DDX19B: variants seen among roughly 807,000 people sequenced by gnomAD.
The protein encoded by DDX19B is DEAD-box helicase 19B.
Under a neutral mutation model 58.1 loss-of-function variants are expected in DDX19B, and 27 were observed. The observed-to-expected ratio is 0.46, with a 90% CI of 0.34 to 0.64. The LOEUF (loss-of-function observed/expected upper bound fraction) is 0.64. Ranked by LOEUF, DDX19B falls within the 30% of genes least tolerant of loss-of-function variation. DDX19B has a pLI of 0.01. For synonymous variants in DDX19B, 187 were observed against 214.4 expected (o/e 0.87, Z 1.12); for missense variants, 399 against 596.5 (o/e 0.67, Z 3.45).
At chr16:70,327,538 AAAAC>A (rs1963234889) in intron 7 of DDX19B, among the ~76,000 whole-genome samples, 1 of 149,188 alleles carries the variant, frequency 6.7e-6, no homozygotes. Flanking sequence ...GTCTCAAAAC[AAAAC>A]AAACAAAAAA....
At chr16:70,321,650 G>A (rs999090163) in intron 5 of DDX19B, among the ~76,000 whole-genome samples, 5 of 152,184 alleles carry the variant, frequency 3.3e-5, no homozygotes, top group Non-Finnish European at 1.5e-5. Flanking sequence ...TATAACAGGT[G>A]ATAAATTACA....
At chr16:70,322,220 A>G (rs1209509919) in intron 5 of DDX19B, among the ~76,000 whole-genome samples, 1 of 151,988 alleles carries the variant, frequency 6.6e-6, no homozygotes, top group Non-Finnish European at 1.5e-5. Flanking sequence ...AATATACAAC[A>G]CTTTATTCTA....
At chr16:70,317,474 TC>T in intron 4 of DDX19B, 21 bp from the exon 5 acceptor site, 1 of 1,591,416 alleles carries the variant, frequency 6.3e-7, no homozygotes, top group Non-Finnish European at 8.6e-7. Flanking sequence ...ACTGTGACTT[TC>T]ATCTTTAACT....
upstream of DDX19B, among the ~76,000 whole-genome samples, chr16:70,298,126 G>A (rs1961298575): frequency 6.6e-6 from 1 of 152,166 alleles, no homozygotes; most frequent in Admixed American, 6.5e-5. Context: ...AAAAACAAAA[G>A]GCCGGGTGCA....
At chr16:70,321,966 C>T (rs1412362415) in intron 5 of DDX19B, among the ~76,000 whole-genome samples, 2 of 150,916 alleles carry the variant, frequency 1.3e-5, no homozygotes, top group Non-Finnish European at 2.9e-5. Context: ...ACCTGGGAGA[C>T]GGAGGTTGCA....
upstream of DDX19B, among the ~76,000 whole-genome samples, chr16:70,291,703 CTG>C (rs1275259957): frequency 5.3e-5 from 8 of 152,166 alleles, no homozygotes; most frequent in East Asian, 1.9e-4. Flanking sequence ...CCCAGCTACT[CTG>C]GAGGCTGAGG....
At chr16:70,294,864 C>T, upstream of DDX19B, 1 of 1,523,802 alleles carries the variant, frequency 6.6e-7, no homozygotes, top group Middle Eastern at 1.7e-4. Context: ...GGCTGCCGGG[C>T]GCGTCCAAGA....
intron 4 of DDX19B, among the ~76,000 whole-genome samples, chr16:70,316,859 T>G (rs1160082561): frequency 6.6e-6 from 1 of 151,920 alleles, no homozygotes; most frequent in Non-Finnish European, 1.5e-5. Context: ...CCACTTGAGG[T>G]CAGGAGTTCA....
chr16:70,300,778 C>G (rs773226859), intron 1 of DDX19B, among the ~76,000 whole-genome samples: 36 of 152,246 alleles, frequency 2.4e-4, no homozygotes, highest in Non-Finnish European at 4.4e-4. Context: ...CATCCTCCCA[C>G]CTCGGCCTCC....
intron 7 of DDX19B, among the ~76,000 whole-genome samples, chr16:70,329,035 T>G: frequency 2.1e-5 from 3 of 142,534 alleles, no homozygotes; most frequent in East Asian, 2.1e-4. Context: ...GCCAAGAGAG[T>G]GAAACCCACC....
chr16:70,306,887 CT>C (rs1485156425), intron 1 of DDX19B, among the ~76,000 whole-genome samples: 1 of 152,204 alleles, frequency 6.6e-6, no homozygotes, highest in Non-Finnish European at 1.5e-5. Context: ...TCCCTACAAA[CT>C]CCCCAGCTCT....
In DDX19B at chr16:70,333,558, C is replaced by G. The variant is rs74026003; in HGVS notation, c.1416C>G (p.Asp472Glu). 1.2e-6 allele frequency: 2 copies of G among 1,613,812 alleles called. No individual in the cohort carries two copies. The highest frequency in any genetic ancestry group is 2.7e-5 in the African/African-American group (2 of 74,900). The change falls in exon 12 of 12, where the codon GAC becomes GAG. Residue 472 changes from aspartate (D) to glutamate (E), a missense_variant. Asp to Glu is a conservative substitution (Grantham distance 45). This residue lies in a region of DDX19B where 198 missense variants were observed against 345.9 expected (regional missense o/e 0.57). Coordinates refer to ENST00000288071, the MANE Select transcript of DDX19B (RefSeq NM_007242.7). ...KIERLDTDDL[D>E]EIEKIAN ...AAAGATTGGACACAGATGATTTGGA[C>G]GAGATTGAGAAAATAGCCAACTGAG...
At position 70,329,975 on chromosome 16, in the gene DDX19B, C is replaced by G; in HGVS notation, c.930C>G (p.Tyr310Ter). The change falls in exon 9 of 12, where the codon TAC becomes TAG. Residue 310 changes from tyrosine (Y) to a stop codon, truncating the protein, a stop_gained. Coordinates refer to ENST00000288071, the MANE Select transcript of DDX19B (RefSeq NM_007242.7). LOFTEE classifies it high-confidence loss of function. ...EEETLDTIKQYYVLCSSRDEK... is the reference protein window; with the variant it reads ...EEETLDTIKQ ...AGACCCTGGACACCATCAAGCAGTACTATGTCCTGTGCAGCAGCAGAGACG... is the reference window on the plus strand; with the variant it reads ...AGACCCTGGACACCATCAAGCAGTAGTATGTCCTGTGCAGCAGCAGAGACG... 6.2e-7 allele frequency: 1 copy of G among 1,614,228 alleles called. No homozygotes were observed. Among genetic ancestry groups the G allele is most frequent in the Non-Finnish European group, 8.5e-7 (1 of 1,180,042 alleles).
intron 10 of DDX19B, among the ~76,000 whole-genome samples, chr16:70,332,425 C>A (rs555776466): frequency 6.6e-6 from 1 of 152,104 alleles, no homozygotes; most frequent in Non-Finnish European, 1.5e-5. Flanking sequence ...CTCAGCCTCC[C>A]GAGTAGCTGG....
At chr16:70,307,703 A>G (rs1002597519) in intron 1 of DDX19B, among the ~76,000 whole-genome samples, 1 of 149,470 alleles carries the variant, frequency 6.7e-6, no homozygotes, top group Non-Finnish European at 1.5e-5. Flanking sequence ...GTATGTATAT[A>G]TGTGTGTGTG....
chr16:70,327,787 T>C lies in DDX19B; in HGVS notation c.608-1505T>C, dbSNP rs576810227. Among the ~76,000 whole-genome samples the C allele has an allele frequency of 2.6e-5, 4 of 152,278 alleles. No homozygotes were observed. The East Asian group carries it at 7.7e-4, about 29-fold the overall frequency. On this transcript the variant is annotated intron_variant, in intron 7 of 11. Coordinates refer to ENST00000288071, the MANE Select transcript of DDX19B (RefSeq NM_007242.7). ...GCTATTGACTCTGGGGCTTATTCTG[T>C]TAATTATTTTTTGTTACTAATTTTT...
chr16:70,314,449 T>A, intron 2 of DDX19B, among the ~76,000 whole-genome samples: 1 of 151,688 alleles, frequency 6.6e-6, no homozygotes, highest in Non-Finnish European at 1.5e-5. Flanking sequence ...GATCACGAGG[T>A]CAAGAGATCA....
upstream of DDX19B, among the ~76,000 whole-genome samples, chr16:70,297,546 A>G (rs1369785655): frequency 6.6e-6 from 1 of 152,126 alleles, no homozygotes; most frequent in Non-Finnish European, 1.5e-5. Flanking sequence ...GTTGTATAAT[A>G]TTGGCAAAAT....
intron 7 of DDX19B, 60 bp from the exon 8 acceptor site, chr16:70,329,222 CAAAAAAAAAA>C: frequency 2.4e-6 from 3 of 1,252,674 alleles, no homozygotes; most frequent in East Asian, 5.9e-5. Context: ...GACTCTGTCT[CAAAAAAAAAA>C]AAAAAAAAAA....
Sources: gnomAD v4.1 joint callset for allele counts (sites outside exome capture counted in the v4.1 genomes callset) on GRCh38, gnomAD v4.1.1 for gene constraint, gnomAD v4.1.1 regional missense constraint, MANE v1.5 for transcripts, NCBI Gene and HGNC (gene_info 2026-07-23, HGNC 2026-07-21) for gene names.